The following NRG1 variants were observed in gnomAD, a reference collection of about 807,000 sequenced individuals.
NRG1 encodes pro-neuregulin-1, membrane-bound isoform.
In NRG1, 18 loss-of-function variants were observed where a neutral mutation model predicts 63.8. The ratio of observed to expected loss-of-function variants is 0.28; its 90% CI spans 0.19 to 0.42. The LOEUF is 0.42. NRG1 is among the 10% of genes least tolerant of loss of function. NRG1 has a pLI of 1.00. For synonymous variants in NRG1, 302 were observed against 301.3 expected (o/e 1.00, Z -0.02); for missense variants, 762 against 814.7 (o/e 0.94, Z 0.79).
chr8:32,272,720 T>C (rs796288720), intron 1 of NRG1, among the ~76,000 whole-genome samples: 1 of 152,176 alleles, frequency 6.6e-6, no homozygotes, highest in South Asian at 2.1e-4. Flanking sequence ...CCAGCCTCTG[T>C]GTCCCAGGGG....
At chr8:31,991,614 G>GA (rs1586316818) in intron 1 of NRG1, among the ~76,000 whole-genome samples, 2 of 151,910 alleles carry the variant, frequency 1.3e-5, no homozygotes, top group Non-Finnish European at 2.9e-5. Flanking sequence ...CATTCTGCTG[G>GA]AACTGGATTT....
intron 1 of NRG1, among the ~76,000 whole-genome samples, chr8:31,914,871 T>A (rs73673936): frequency 0.012 from 1,799 of 152,220 alleles, 36 homozygotes; most frequent in African/African-American, 0.04. Context: ...GTCAGAATTT[T>A]AGATCATGAA....
At chr8:32,260,624 C>G (rs1271714377) in intron 1 of NRG1, among the ~76,000 whole-genome samples, 1 of 152,196 alleles carries the variant, frequency 6.6e-6, no homozygotes, top group Non-Finnish European at 1.5e-5. Context: ...CTCAACAACT[C>G]TCAGACTTTG....
At chr8:32,320,765 A>C (rs1801291637) in intron 1 of NRG1, among the ~76,000 whole-genome samples, 1 of 152,180 alleles carries the variant, frequency 6.6e-6, no homozygotes, top group Non-Finnish European at 1.5e-5. Context: ...TATGTGCAGA[A>C]ATAGACTGCT....
At chr8:31,821,127 G>A (rs1189069400) in intron 1 of NRG1, among the ~76,000 whole-genome samples, 4 of 152,054 alleles carry the variant, frequency 2.6e-5, no homozygotes, top group Admixed American at 2.0e-4. Context: ...CATTGTTTAG[G>A]GAATATGACA....
chr8:32,530,943 CA>C lies in NRG1; in HGVS notation c.38-64880del, dbSNP rs1438291635. Among the ~76,000 whole-genome samples, 12 of 152,016 alleles carry C rather than the reference CA, an allele frequency of 7.9e-5. No homozygotes were observed. In the East Asian group the frequency reaches 1.9e-3, roughly 25 times the overall value. On this transcript the variant is annotated intron_variant, in intron 1 of 10. Coordinates refer to the NRG1 transcript ENST00000519301. ...CTCATCTCTATTAAAAAAGAAAATA[CA>C]AAAATTAGCCAGACATGGTGGGAAG... is the stretch of plus-strand genomic sequence containing the variant.
rs1273122296 is a variant in NRG1, at chr8:32,182,254, AT to A, written c.38-413563del. ...TGGAACCTGTGGAAAATGATACACAATTTTTTTTTTTCTACAGAGTCTCGCT... is the reference window on the plus strand; with the variant it reads ...TGGAACCTGTGGAAAATGATACACAATTTTTTTTTTCTACAGAGTCTCGCT... On this transcript the variant is annotated intron_variant, in intron 1 of 10. Transcript: ENST00000519301. 3.4e-3 allele frequency among the ~76,000 whole-genome samples: 502 copies of A among 148,792 alleles called. 2 individuals carry two copies. The highest frequency in any genetic ancestry group is 0.011 in the African/African-American group (452 of 40,720).
At chr8:32,269,708 A>G (rs553764732) in intron 1 of NRG1, among the ~76,000 whole-genome samples, 6 of 152,180 alleles carry the variant, frequency 3.9e-5, no homozygotes, top group Non-Finnish European at 8.8e-5. Flanking sequence ...TGCAATCATC[A>G]TGCCATAGTC....
At chr8:32,731,909 A>G (rs746793330) in intron 6 of NRG1, among the ~76,000 whole-genome samples, 1 of 152,248 alleles carries the variant, frequency 6.6e-6, no homozygotes, top group African/African-American at 2.4e-5. Flanking sequence ...GACTAAAGAC[A>G]TGACTCAGAA....
intron 1 of NRG1, among the ~76,000 whole-genome samples, chr8:32,558,241 C>T (rs544331278): frequency 3.9e-5 from 6 of 152,140 alleles, no homozygotes; most frequent in South Asian, 4.2e-4. Context: ...CTGTGCATGG[C>T]GTGGGGAAAT....
chr8:32,711,713 A>G (rs969869429), intron 5 of NRG1, among the ~76,000 whole-genome samples: 1 of 152,142 alleles, frequency 6.6e-6, no homozygotes, highest in African/African-American at 2.4e-5. Context: ...TCATTTCTCC[A>G]GTTCCTCCCT....
At chr8:32,630,589 G>T (rs922897106) in intron 5 of NRG1, among the ~76,000 whole-genome samples, 4 of 152,304 alleles carry the variant, frequency 2.6e-5, no homozygotes, top group Non-Finnish European at 4.4e-5. Flanking sequence ...GTAACATTCA[G>T]ATCAGTTTTG....
intron 1 of NRG1, among the ~76,000 whole-genome samples, chr8:32,338,132 G>T (rs989005905): frequency 1.3e-5 from 2 of 152,164 alleles, no homozygotes; most frequent in Admixed American, 6.5e-5. Flanking sequence ...CCTGCTTCTT[G>T]TACCTCTTTC....
chr8:31,723,713 T>A (rs1432004430), intron 1 of NRG1, among the ~76,000 whole-genome samples: 1 of 152,132 alleles, frequency 6.6e-6, no homozygotes, highest in East Asian at 1.9e-4. Context: ...CTCTTTGGAG[T>A]ACTATGTCCT....
At chr8:32,586,881 T>C (rs1417690958) in intron 1 of NRG1, among the ~76,000 whole-genome samples, 1 of 152,110 alleles carries the variant, frequency 6.6e-6, no homozygotes, top group East Asian at 1.9e-4. Flanking sequence ...TTGTAGACCA[T>C]GGTCAATCAA....
intron 1 of NRG1, among the ~76,000 whole-genome samples, chr8:32,202,281 A>G (rs1843571860): frequency 1.3e-5 from 2 of 152,196 alleles, no homozygotes; most frequent in South Asian, 4.1e-4. Context: ...TGTCCTAGTG[A>G]AACGGGAGAG....
intron 1 of NRG1, chr8:32,136,533 A>G (rs1268853982): frequency 6.6e-6 from 1 of 152,120 alleles, no homozygotes; most frequent in African/African-American, 2.4e-5. Context: ...GGTCTACTTG[A>G]GCTCTGTTGT....
chr8:31,813,829 G>A (rs1257999023), intron 1 of NRG1, among the ~76,000 whole-genome samples: 1 of 151,920 alleles, frequency 6.6e-6, no homozygotes, highest in Non-Finnish European at 1.5e-5. Flanking sequence ...GCCTGGCCAG[G>A]AATTTTCTTG....
chr8:32,417,209 A>T (rs1816047122), intron 1 of NRG1, among the ~76,000 whole-genome samples: 1 of 152,126 alleles, frequency 6.6e-6, no homozygotes. Flanking sequence ...CTTCTACTCA[A>T]GATGTAAATA....
Sources: allele counts gnomAD v4.1 joint callset (sites outside exome capture counted in the v4.1 genomes callset), GRCh38; gene constraint gnomAD v4.1.1; transcripts MANE v1.5; gene names NCBI Gene and HGNC (gene_info 2026-07-23, HGNC 2026-07-21).